Variants in SNX7 observed in about 807,000 individuals in gnomAD.
SNX7 encodes the protein sorting nexin 7.
In SNX7, 35 loss-of-function variants were observed where a neutral mutation model predicts 48.4. The ratio of observed to expected loss-of-function variants is 0.72; its 90% CI spans 0.55 to 0.96. SNX7 has a LOEUF of 0.96. SNX7 is among the 40% of genes least tolerant of loss of function. The pLI, the probability that SNX7 is intolerant of heterozygous loss-of-function variation, is 0.00. For synonymous variants in SNX7, 190 were observed against 190.2 expected, an observed-to-expected ratio of 1.00 and a Z score of 0.01; for missense variants, 553 against 548.9, an observed-to-expected ratio of 1.01 and a Z score of -0.07.
At chr1:98,687,960 C>G (rs1260253854) in intron 2 of SNX7, among the ~76,000 whole-genome samples, 4 of 152,178 alleles carry the variant, frequency 2.6e-5, no homozygotes, top group African/African-American at 9.7e-5. Context: ...ATTCAATTAT[C>G]TTCACCTGGC....
chr1:98,706,956 G>A (rs1443384480), intron 7 of SNX7, among the ~76,000 whole-genome samples: 1 of 152,148 alleles, frequency 6.6e-6, no homozygotes, highest in Non-Finnish European at 1.5e-5. Flanking sequence ...ACCCAATGGA[G>A]CTATTGAGTA....
chr1:98,738,498 G>A lies in SNX7; in HGVS notation c.1278+109G>A, dbSNP rs111336454. On this transcript the variant is annotated intron_variant, in intron 8 of 8. Transcript: ENST00000306121. ...TAAAGAACAAGTGTCACATTCTAAT[G>A]CCTCTCTGGTAGCTTGGTTTTGATG... 3.4e-5 allele frequency: 36 copies of A among 1,057,482 alleles called. No individual in the cohort carries two copies. The African/African-American group carries it at 4.6e-4, about 14-fold the overall frequency. The allele number at this position is 1,057,482 out of a possible 1,614,324, so 65.5% of individuals were successfully genotyped here.
intron 8 of SNX7, among the ~76,000 whole-genome samples, chr1:98,741,459 G>C (rs1654064403): frequency 6.6e-6 from 1 of 152,104 alleles, no homozygotes; most frequent in African/African-American, 2.4e-5. Flanking sequence ...TGAATTTATT[G>C]GGAGAGAGTT....
intron 7 of SNX7, among the ~76,000 whole-genome samples, chr1:98,731,505 T>C (rs373894718): frequency 6.6e-6 from 1 of 152,144 alleles, no homozygotes; most frequent in Non-Finnish European, 1.5e-5. Flanking sequence ...TGTCAAACTT[T>C]CCATAACTCA....
chr1:98,713,460 T>G (rs1395983905), intron 7 of SNX7, among the ~76,000 whole-genome samples: 1 of 152,220 alleles, frequency 6.6e-6, no homozygotes, highest in Non-Finnish European at 1.5e-5. Flanking sequence ...TTTTTTTGCT[T>G]TCTTATAATT....
At chr1:98,734,211 A>G (rs536312357) in intron 7 of SNX7, among the ~76,000 whole-genome samples, 87 of 152,150 alleles carry the variant, frequency 5.7e-4, no homozygotes, top group African/African-American at 1.7e-3. Context: ...ATCAGAATCA[A>G]TCTTCCATTC....
At chr1:98,740,588 A>G (rs1331625581) in intron 8 of SNX7, among the ~76,000 whole-genome samples, 1 of 152,178 alleles carries the variant, frequency 6.6e-6, no homozygotes, top group Non-Finnish European at 1.5e-5. Context: ...TAACAATTCC[A>G]CAGAATTTCA....
At chr1:98,717,853 C>T (rs539408803) in intron 7 of SNX7, among the ~76,000 whole-genome samples, 219 of 152,030 alleles carry the variant, frequency 1.4e-3, no homozygotes, top group Non-Finnish European at 2.6e-3. Flanking sequence ...AGTGTCCTTC[C>T]CAGGGGGCAG....
At chr1:98,666,911 G>A (rs1649566436) in intron 1 of SNX7, among the ~76,000 whole-genome samples, 1 of 152,152 alleles carries the variant, frequency 6.6e-6, no homozygotes, top group Non-Finnish European at 1.5e-5. Flanking sequence ...TAAATGCTTG[G>A]TCAGCAGCCC....
At chr1:98,704,148 A>G (rs1222225477) in intron 7 of SNX7, among the ~76,000 whole-genome samples, 2 of 150,816 alleles carry the variant, frequency 1.3e-5, no homozygotes, top group Non-Finnish European at 3.0e-5. Context: ...TTTTTTTGAT[A>G]TTTTGTTATA....
intron 1 of SNX7, among the ~76,000 whole-genome samples, chr1:98,666,665 C>T (rs11166065): frequency 6.6e-6 from 1 of 152,152 alleles, no homozygotes; most frequent in Non-Finnish European, 1.5e-5. Context: ...TGACCTGCCA[C>T]TCTCCTACGG....
chr1:98,705,981 G>A (rs1012430544), intron 7 of SNX7, among the ~76,000 whole-genome samples: 1 of 152,088 alleles, frequency 6.6e-6, no homozygotes, highest in East Asian at 1.9e-4. Flanking sequence ...GGCAGATCGT[G>A]GCTCTCTACA....
intron 1 of SNX7, among the ~76,000 whole-genome samples, chr1:98,684,111 A>G (rs1650653197): frequency 6.6e-6 from 1 of 152,178 alleles, no homozygotes; most frequent in Non-Finnish European, 1.5e-5. Context: ...CTGGCATTCT[A>G]CATCATAAAT....
At chr1:98,725,340 G>C (rs1385835185) in intron 7 of SNX7, among the ~76,000 whole-genome samples, 1 of 152,140 alleles carries the variant, frequency 6.6e-6, no homozygotes, top group Non-Finnish European at 1.5e-5. Context: ...TTCCTTAGTG[G>C]TCTCATCGTG....
At chr1:98,697,055 ATAT>A (rs1228863565) in intron 5 of SNX7, among the ~76,000 whole-genome samples, 3 of 152,124 alleles carry the variant, frequency 2.0e-5, no homozygotes, top group Non-Finnish European at 4.4e-5. Context: ...ATAAACATAA[ATAT>A]TGTTCAGGTT....
intron 4 of SNX7, among the ~76,000 whole-genome samples, chr1:98,693,869 G>T (rs1010729265): frequency 1.3e-5 from 2 of 151,786 alleles, no homozygotes; most frequent in Non-Finnish European, 2.9e-5. Context: ...TATTTTATTC[G>T]ATCCCAAGCT....
chr1:98,744,834 A>T (rs947544714), intron 8 of SNX7, among the ~76,000 whole-genome samples: 1 of 152,024 alleles, frequency 6.6e-6, no homozygotes, highest in Non-Finnish European at 1.5e-5. Context: ...CCCTTTACCA[A>T]CCTGAAAGCA....
At chr1:98,684,411 G>A (rs961926643) in intron 1 of SNX7, among the ~76,000 whole-genome samples, 2 of 152,174 alleles carry the variant, frequency 1.3e-5, no homozygotes, top group Admixed American at 1.3e-4. Context: ...TCTGGCAAGG[G>A]ATGCTCTCAG....
chr1:98,710,462 T>C (rs936983037), intron 7 of SNX7, among the ~76,000 whole-genome samples: 1 of 152,048 alleles, frequency 6.6e-6, no homozygotes, highest in African/African-American at 2.4e-5. Flanking sequence ...TTGCCTTAAC[T>C]GCAACCGAAA....
Sources: allele counts gnomAD v4.1 joint callset (sites outside exome capture counted in the v4.1 genomes callset), GRCh38; gene constraint gnomAD v4.1.1; transcripts MANE v1.5; gene names NCBI Gene and HGNC (gene_info 2026-07-23, HGNC 2026-07-21).